The following AVL9 variants were observed in gnomAD, a reference collection of about 807,000 sequenced individuals.
The protein encoded by AVL9 is late secretory pathway protein AVL9 homolog.
In AVL9, 49 loss-of-function variants were observed where a neutral mutation model predicts 79.2. The observed-to-expected ratio is 0.62, with a 90% confidence interval of 0.49 to 0.79. The LOEUF (loss-of-function observed/expected upper bound fraction) is 0.79. Among genes scored for constraint, AVL9 ranks in the 30% least tolerant of loss-of-function variants. AVL9 has a pLI of 0.00. For missense variants in AVL9, 682 were observed against 776.8 expected, an observed-to-expected ratio of 0.88 and a Z score of 1.45; for synonymous variants, 299 against 280.6, an observed-to-expected ratio of 1.07 and a Z score of -0.65.
intron 1 of AVL9, among the ~76,000 whole-genome samples, chr7:32,541,751 G>T (rs2128133608): frequency 6.8e-6 from 1 of 147,038 alleles, no homozygotes; most frequent in East Asian, 2.0e-4. Flanking sequence ...TCTCACTCTT[G>T]TTGCCCAGGC....
chr7:32,530,829 G>A (rs529135350), intron 1 of AVL9, among the ~76,000 whole-genome samples: 2 of 152,212 alleles, frequency 1.3e-5, no homozygotes, highest in Admixed American at 1.3e-4. Flanking sequence ...GGTGGCATGT[G>A]CCTGTGGTCC....
intron 1 of AVL9, among the ~76,000 whole-genome samples, chr7:32,500,187 T>A (rs1344421560): frequency 6.6e-6 from 1 of 152,202 alleles, no homozygotes; most frequent in East Asian, 1.9e-4. Context: ...TCCACAATGA[T>A]TGAACTAATT....
chr7:32,533,640 A>G (rs1301819753), intron 1 of AVL9: 2 of 152,246 alleles, frequency 1.3e-5, no homozygotes, highest in African/African-American at 2.4e-5. Flanking sequence ...AGCAGAAAAC[A>G]TGACAGAGCT....
chr7:32,540,871 CTTTTTTTTTTTTTTTTTTTTTTTTTTTT>C (rs749306635), intron 1 of AVL9, among the ~76,000 whole-genome samples: 22 of 72,470 alleles, frequency 3.0e-4, no homozygotes, highest in African/African-American at 9.7e-4. Flanking sequence ...TGTTGTACTA[CTTTTTTTTTTTTTTTTTTTTTTTTTTTT>C]TTTTTTTTTT....
At chr7:32,560,345 AATTT>A (rs1429596405) in intron 10 of AVL9, among the ~76,000 whole-genome samples, 3 of 151,694 alleles carry the variant, frequency 2.0e-5, no homozygotes, top group Non-Finnish European at 2.9e-5. Flanking sequence ...AATAATTTTT[AATTT>A]ATTTAAATAT....
intron 8 of AVL9, among the ~76,000 whole-genome samples, chr7:32,555,449 T>C (rs1198276717): frequency 6.6e-6 from 1 of 152,262 alleles, no homozygotes; most frequent in Non-Finnish European, 1.5e-5. Context: ...CCTGATTGGC[T>C]TAAACTTGGG....
intron 1 of AVL9, chr7:32,537,323 T>C (rs1788955856): frequency 6.6e-6 from 1 of 152,168 alleles, no homozygotes; most frequent in African/African-American, 2.4e-5. Context: ...GGACCAAATA[T>C]ATGTATTTTT....
chr7:32,520,026 G>A (rs4720064), intron 1 of AVL9, among the ~76,000 whole-genome samples: 53,321 of 152,074 alleles, frequency 0.35, 9,678 homozygotes, highest in East Asian at 0.48. Context: ...CCACCCCCAC[G>A]ATCCAGTCAC....
intron 3 of AVL9, among the ~76,000 whole-genome samples, chr7:32,548,030 G>A (rs760755430): frequency 6.6e-6 from 1 of 152,234 alleles, no homozygotes; most frequent in African/African-American, 2.4e-5. Flanking sequence ...TTATGTGCTT[G>A]TGTTTGGTGC....
intron 1 of AVL9, among the ~76,000 whole-genome samples, chr7:32,527,667 G>A (rs528727242): frequency 6.6e-6 from 1 of 152,264 alleles, no homozygotes; most frequent in South Asian, 2.1e-4. Flanking sequence ...GAGTCCCACC[G>A]AGGGACAGGA....
At chr7:32,569,941 T>G in intron 10 of AVL9, 79 bp from the exon 11 acceptor site, 5 of 1,419,446 alleles carry the variant, frequency 3.5e-6, no homozygotes, top group Non-Finnish European at 4.9e-6. Context: ...TTTCTTTTCC[T>G]ACTGTTAGCT....
intron 1 of AVL9, among the ~76,000 whole-genome samples, chr7:32,524,551 CACACACAG>C (rs900712063): frequency 8.1e-5 from 9 of 110,610 alleles, no homozygotes; most frequent in South Asian, 3.1e-4. Context: ...CACACACACA[CACACACAG>C]AGAGAAAAGA....
Position 32,570,021 on chromosome 7 carries a change from GAT to G in AVL9, c.1220_1221del (p.Tyr407SerfsTer28). The G allele has an allele frequency of 6.2e-7, 1 of 1,614,054 alleles. No individual in the cohort carries two copies. The highest frequency in any genetic ancestry group is 8.5e-7 in the Non-Finnish European group (1 of 1,179,954). ...TTCTATTACTCTTCTAATTCATAGG[GAT>G]ATCTGTGTTTGCCTTACATGGCATT... On this transcript the variant is annotated frameshift_variant and splice_region_variant, in exon 11 of 16. Coordinates refer to ENST00000318709, the MANE Select transcript of AVL9 (RefSeq NM_015060.3). LOFTEE classifies it high-confidence loss of function.
At chr7:32,524,984 C>T (rs1462186394) in intron 1 of AVL9, among the ~76,000 whole-genome samples, 1 of 152,118 alleles carries the variant, frequency 6.6e-6, no homozygotes, top group Non-Finnish European at 1.5e-5. Context: ...GAGGACAATA[C>T]TCATGAGCAG....
intron 10 of AVL9, among the ~76,000 whole-genome samples, chr7:32,566,609 T>G (rs1692294262): frequency 6.6e-6 from 1 of 151,970 alleles, no homozygotes. Context: ...CCAGGTGCGG[T>G]GGCTCACACC....
chr7:32,528,441 T>C (rs1047172803), intron 1 of AVL9, among the ~76,000 whole-genome samples: 6 of 152,164 alleles, frequency 3.9e-5, no homozygotes, highest in Admixed American at 1.3e-4. Flanking sequence ...TTCTAACTCA[T>C]TGAGGAGAGA....
At position 32,521,736 on chromosome 7, in the gene AVL9, A is replaced by C. The variant is rs117302138; in HGVS notation, c.94-21405A>C. ...GAGCCTAATGTTAGTCCCCAAGACC[A>C]TGGGGAAGATGTCTCCAGACCATGT... On this transcript the variant is annotated intron_variant, in intron 1 of 15. Coordinates refer to ENST00000318709, the MANE Select transcript of AVL9 (RefSeq NM_015060.3). Among the ~76,000 whole-genome samples the C allele has an allele frequency of 5.9e-5, 9 of 152,336 alleles. No homozygotes were observed. In the East Asian group the frequency reaches 1.7e-3, roughly 29 times the overall value.
intron 1 of AVL9, among the ~76,000 whole-genome samples, chr7:32,518,083 G>A (rs151290371): frequency 2.1e-3 from 312 of 152,162 alleles, no homozygotes; most frequent in Non-Finnish European, 3.1e-3. Flanking sequence ...GACCCAACTC[G>A]GCCTCACAAA....
intron 1 of AVL9, among the ~76,000 whole-genome samples, chr7:32,520,740 T>A (rs1788105971): frequency 6.6e-6 from 1 of 152,126 alleles, no homozygotes; most frequent in South Asian, 2.1e-4. Flanking sequence ...TCCCACAGAA[T>A]CATATGACTG....
Sources: gnomAD v4.1 joint callset for allele counts (sites outside exome capture counted in the v4.1 genomes callset) on GRCh38, gnomAD v4.1.1 for gene constraint, MANE v1.5 for transcripts, NCBI Gene and HGNC (gene_info 2026-07-23, HGNC 2026-07-21) for gene names.